Variants in XIRP2 observed in about 807,000 individuals in gnomAD.
The protein encoded by XIRP2 is xin actin-binding repeat-containing protein 2.
A neutral mutation model predicts 277.0 loss-of-function variants in XIRP2; 236 were observed. The observed-to-expected ratio is 0.85, with a 90% CI of 0.77 to 0.95. The LOEUF (loss-of-function observed/expected upper bound fraction) is 0.95. Among genes scored for constraint, XIRP2 ranks in the 40% least tolerant of loss-of-function variants. XIRP2 has a pLI of 0.00. For synonymous variants in XIRP2, 1,490 were observed against 1,416.5 expected, an observed-to-expected ratio of 1.05 and a Z score of -1.17; for missense variants, 4,640 against 4,157.5, an observed-to-expected ratio of 1.12 and a Z score of -3.19.
intron 2 of XIRP2, among the ~76,000 whole-genome samples, chr2:166,977,500 A>ATTTTAC (rs1159137358): frequency 1.3e-5 from 2 of 152,100 alleles, no homozygotes; most frequent in African/African-American, 4.8e-5. Flanking sequence ...TACTGTTAAC[A>ATTTTAC]TTTTACTGTA....
chr2:167,085,986 T>A (rs1392078330), intron 2 of XIRP2, among the ~76,000 whole-genome samples: 3 of 152,136 alleles, frequency 2.0e-5, no homozygotes, highest in African/African-American at 7.2e-5. Context: ...CCTGTCATTA[T>A]GATGTTAGCT....
chr2:167,188,041 C>T (rs998417762), intron 3 of XIRP2, among the ~76,000 whole-genome samples: 1 of 152,186 alleles, frequency 6.6e-6, no homozygotes, highest in Non-Finnish European at 1.5e-5. Flanking sequence ...AGAGTCTCAT[C>T]TCCTCTGGGA....
intron 2 of XIRP2, among the ~76,000 whole-genome samples, chr2:167,030,201 G>A (rs535352573): frequency 3.3e-5 from 5 of 152,082 alleles, no homozygotes; most frequent in Admixed American, 6.6e-5. Flanking sequence ...GATTTTTCAT[G>A]TCTCTATCTC....
intron 2 of XIRP2, among the ~76,000 whole-genome samples, chr2:166,939,447 G>A (rs1685625282): frequency 6.6e-6 from 1 of 151,994 alleles, no homozygotes; most frequent in South Asian, 2.1e-4. Flanking sequence ...TTGGGAGGCT[G>A]AGGCGGGCGG....
At chr2:167,028,348 C>T (rs1272324903) in intron 2 of XIRP2, among the ~76,000 whole-genome samples, 2 of 151,928 alleles carry the variant, frequency 1.3e-5, no homozygotes, top group East Asian at 3.9e-4. Context: ...ATTCAGGCAG[C>T]TCAGGACATA....
intron 2 of XIRP2, among the ~76,000 whole-genome samples, chr2:167,117,822 G>A (rs1383958288): frequency 1.3e-5 from 2 of 152,142 alleles, no homozygotes; most frequent in South Asian, 2.1e-4. Flanking sequence ...TTTACTCTAG[G>A]TTTGTCATGA....
At chr2:166,935,228 C>T (rs558984494) in intron 2 of XIRP2, among the ~76,000 whole-genome samples, 3 of 152,076 alleles carry the variant, frequency 2.0e-5, no homozygotes, top group Non-Finnish European at 4.4e-5. Context: ...ATACAGGGAA[C>T]AGGTCTGTGA....
At chr2:167,013,909 T>C (rs968814978) in intron 2 of XIRP2, among the ~76,000 whole-genome samples, 12 of 151,370 alleles carry the variant, frequency 7.9e-5, no homozygotes, top group Admixed American at 4.6e-4. Context: ...CACTCTGATA[T>C]ATCAGCTCAG....
intron 2 of XIRP2, among the ~76,000 whole-genome samples, chr2:167,064,245 A>G (rs1689244273): frequency 6.6e-6 from 1 of 151,786 alleles, no homozygotes; most frequent in Non-Finnish European, 1.5e-5. Flanking sequence ...TTTTAGTTCT[A>G]CTGTTGGTTT....
At chr2:167,124,459 G>T (rs1691143538) in intron 2 of XIRP2, 1 of 152,068 alleles carries the variant, frequency 6.6e-6, no homozygotes, top group South Asian at 2.1e-4. Context: ...GCTTTCTTCT[G>T]AATCCTTTAT....
chr2:167,052,742 G>C (rs1358656333), intron 2 of XIRP2, among the ~76,000 whole-genome samples: 1 of 152,016 alleles, frequency 6.6e-6, no homozygotes, highest in East Asian at 1.9e-4. Context: ...AAAAATAATC[G>C]ATAGTGGAAA....
intron 2 of XIRP2, among the ~76,000 whole-genome samples, chr2:167,042,762 A>G (rs988966959): frequency 6.6e-6 from 1 of 152,126 alleles, no homozygotes; most frequent in South Asian, 2.1e-4. Context: ...TAATAGTTGG[A>G]TATTTGAAGA....
rs1374452809 is a variant in XIRP2, at chr2:167,258,540, T to C, written c.*723T>C. 18 of 1,613,034 alleles carry C rather than the reference T, an allele frequency of 1.1e-5. No homozygotes were observed. The highest frequency in any genetic ancestry group is 1.7e-5 in the Admixed American group (1 of 59,806). On this transcript the variant is annotated 3_prime_UTR_variant, in exon 11 of 11. Coordinates refer to ENST00000409195, the MANE Select transcript of XIRP2 (RefSeq NM_152381.6). ...GATCTTAATGACAACAATAATGTGA[T>C]TGTGCAGAGTGCTGAAAAGGAGAAA...
intron 9 of XIRP2, among the ~76,000 whole-genome samples, chr2:167,252,528 A>T (rs977697924): frequency 3.9e-5 from 6 of 151,912 alleles, no homozygotes; most frequent in African/African-American, 1.5e-4. Context: ...ATTTTTTTCT[A>T]ACTGATTTTT....
rs1687399193 is a variant in XIRP2 at position 167,002,476 on chromosome 2, T to C, written c.408+98586T>C. Among the ~76,000 whole-genome samples, 4 of 152,066 alleles carry C rather than the reference T, an allele frequency of 2.6e-5. No individual in the cohort carries two copies. In the South Asian group the frequency reaches 8.3e-4, roughly 32 times the overall value. On this transcript the variant is annotated intron_variant, in intron 2 of 10. Coordinates refer to ENST00000409195, the MANE Select transcript of XIRP2 (RefSeq NM_152381.6). ...TCTATACTCTTTGCTTCACCAAGAATAGGAAGAGGACAAATACTGAAAAGT... is the reference window on the plus strand; with the variant it reads ...TCTATACTCTTTGCTTCACCAAGAACAGGAAGAGGACAAATACTGAAAAGT...
intron 3 of XIRP2, among the ~76,000 whole-genome samples, chr2:167,171,288 AT>A (rs1322608463): frequency 6.6e-6 from 1 of 152,136 alleles, no homozygotes. Context: ...TGTTTTTAGC[AT>A]TATCATTCAC....
At chr2:167,158,167 C>T (rs974003972) in intron 3 of XIRP2, among the ~76,000 whole-genome samples, 6 of 152,230 alleles carry the variant, frequency 3.9e-5, no homozygotes, top group African/African-American at 9.6e-5. Context: ...CAAAATCCAA[C>T]TGAAAATAGC....
intron 2 of XIRP2, among the ~76,000 whole-genome samples, chr2:166,953,243 C>G (rs142098082): frequency 6.7e-4 from 102 of 151,978 alleles, no homozygotes; most frequent in African/African-American, 2.3e-3. Context: ...GTTTCCCCAC[C>G]CAAATCTCCT....
chr2:167,245,049 T>C lies in XIRP2; in HGVS notation c.3657T>C (p.Val1219=), dbSNP rs758227466. 2 of 1,611,674 alleles carry C rather than the reference T, an allele frequency of 1.2e-6. No individual in the cohort carries two copies. The change falls in exon 9 of 11, where the codon GTT becomes GTC. Residue 1219 remains valine, a synonymous_variant. Transcript: ENST00000409195. The part of the protein sequence containing the change: ...LDSISSSSEE[V]LKKIKTLKTE... ...CTATAAGTTCTAGTTCAGAGGAAGTTTTGAAAAAGATCAAAACCTTAAAAA... is the reference window on the plus strand; with the variant it reads ...CTATAAGTTCTAGTTCAGAGGAAGTCTTGAAAAAGATCAAAACCTTAAAAA...
Sources: gnomAD v4.1 joint callset for allele counts (sites outside exome capture counted in the v4.1 genomes callset) on GRCh38, gnomAD v4.1.1 for gene constraint, MANE v1.5 for transcripts, NCBI Gene and HGNC (gene_info 2026-07-23, HGNC 2026-07-21) for gene names.